Variants in SPAG17 observed in about 807,000 individuals in gnomAD.
SPAG17 encodes sperm-associated antigen 17.
SPAG17 carries 169 observed loss-of-function variants against 273.6 expected under a neutral mutation model. That is an observed-to-expected ratio of 0.62 (90% CI 0.55 to 0.70). The LOEUF is 0.70. Ranked by LOEUF, SPAG17 falls within the 30% of genes least tolerant of loss-of-function variation. The probability of loss-of-function intolerance (pLI) is 0.00; values close to 1 mark genes in which losing one functional copy is unlikely to be tolerated. For missense variants in SPAG17, 2,557 were observed against 2,627.8 expected (o/e 0.97, Z 0.59); for synonymous variants, 825 against 873.2 (o/e 0.94, Z 0.97).
At chr1:118,080,319 C>G (rs1037139983) in intron 15 of SPAG17, among the ~76,000 whole-genome samples, 4 of 152,062 alleles carry the variant, frequency 2.6e-5, no homozygotes, top group Non-Finnish European at 5.9e-5. Flanking sequence ...AAAAAGAGAA[C>G]TCAGGGTGGA....
At chr1:118,127,134 T>A (rs1657780216) in intron 3 of SPAG17, among the ~76,000 whole-genome samples, 1 of 152,236 alleles carries the variant, frequency 6.6e-6, no homozygotes, top group African/African-American at 2.4e-5. Context: ...TCCACTTTGT[T>A]CTTTTTGCTT....
At chr1:118,070,729 A>G (rs1007780052) in intron 17 of SPAG17, among the ~76,000 whole-genome samples, 3 of 152,244 alleles carry the variant, frequency 2.0e-5, no homozygotes, top group Admixed American at 1.3e-4. Context: ...ATAGATAAAA[A>G]TTCTTATCAT....
chr1:118,026,123 A>AG (rs1397884461), intron 26 of SPAG17, among the ~76,000 whole-genome samples: 1 of 152,068 alleles, frequency 6.6e-6, no homozygotes, highest in African/African-American at 2.4e-5. Context: ...CCATAGCCCC[A>AG]GGGGAAGTCA....
In SPAG17 at chr1:118,150,697, C is replaced by T. The variant is rs6697551; in HGVS notation, c.229-68G>A. ...TTGAAGAATACTTAGATATATGTAA[C>T]TTTCAAATATCTAGGTGATCTGAAG... On this transcript the variant is annotated intron_variant, in intron 2 of 48. Transcript: ENST00000336338. 1,435 of 875,574 alleles carry T rather than the reference C, an allele frequency of 1.6e-3. 13 individuals carry two copies. In the African/African-American group the frequency reaches 0.023, roughly 14 times the overall value. The allele number at this position is 875,574 out of a possible 1,614,324, so 54.2% of individuals were successfully genotyped here. A position where few individuals can be genotyped will look rare whatever the true frequency, so the allele number is the denominator to read the frequency against.
chr1:118,120,788 C>T (rs1340605706), intron 3 of SPAG17, among the ~76,000 whole-genome samples: 1 of 152,164 alleles, frequency 6.6e-6, no homozygotes, highest in Non-Finnish European at 1.5e-5. Flanking sequence ...CTTCTAGCTA[C>T]CAGATACCTT....
chr1:118,082,074 G>C (rs1654624864), intron 13 of SPAG17, among the ~76,000 whole-genome samples: 1 of 152,130 alleles, frequency 6.6e-6, no homozygotes, highest in South Asian at 2.1e-4. Flanking sequence ...TTTTTCTATT[G>C]ATTTGGGCTC....
chr1:118,165,896 G>T (rs1425884113), intron 1 of SPAG17, among the ~76,000 whole-genome samples: 4 of 152,030 alleles, frequency 2.6e-5, no homozygotes, highest in Non-Finnish European at 5.9e-5. Context: ...ACCCGCCTCG[G>T]CCTCCCAAAG....
intron 3 of SPAG17, among the ~76,000 whole-genome samples, chr1:118,125,738 T>C (rs975316380): frequency 6.6e-6 from 1 of 152,242 alleles, no homozygotes; most frequent in South Asian, 2.1e-4. Flanking sequence ...CTATTCCATT[T>C]TGTATAAATA....
intron 42 of SPAG17, among the ~76,000 whole-genome samples, chr1:117,982,841 TTA>T (rs1013368413): frequency 3.5e-4 from 53 of 152,184 alleles, no homozygotes; most frequent in African/African-American, 1.1e-3. Context: ...CTGTTTTAGT[TTA>T]GAACAATCAT....
chr1:118,124,991 G>C (rs1280450426), intron 3 of SPAG17, among the ~76,000 whole-genome samples: 2 of 152,100 alleles, frequency 1.3e-5, no homozygotes, highest in Non-Finnish European at 1.5e-5. Context: ...CATCTTAGCT[G>C]CAAGAGCCTG....
chr1:118,165,308 G>A (rs767541501), intron 1 of SPAG17, among the ~76,000 whole-genome samples: 3 of 152,066 alleles, frequency 2.0e-5, no homozygotes, highest in Admixed American at 6.5e-5. Flanking sequence ...GGCGCCAGAA[G>A]TCCCACTTGG....
intron 31 of SPAG17, among the ~76,000 whole-genome samples, chr1:118,005,981 C>G (rs1284834442): frequency 1.3e-5 from 2 of 152,116 alleles, no homozygotes; most frequent in African/African-American, 4.8e-5. Context: ...AGAAGCATCT[C>G]TGAAAGGGTA....
Position 118,115,326 on chromosome 1 carries a change from C to T in SPAG17, c.431G>A (p.Arg144Gln), listed in dbSNP as rs377305034. The T allele has an allele frequency of 1.1e-5, 17 of 1,613,368 alleles. No homozygotes were observed. In the East Asian group the frequency reaches 1.1e-4, roughly 11 times the overall value. ...GTACAGTACCTTCTTTTCATTTTCC[C>T]GTCGCTGTTGGTCCTTAAATTTAAT... Reference protein sequence around the residue: ...LQIKFKDQQRRENEKKVIEDK... With the variant: ...LQIKFKDQQRQENEKKVIEDK... Residue 144 changes from arginine to glutamine, a missense_variant, in exon 4 of 49, where the codon CGG (arginine) becomes CAG (glutamine). Arg to Gln is a conservative substitution (Grantham distance 43, BLOSUM62 1). Coordinates refer to ENST00000336338, the MANE Select transcript of SPAG17 (RefSeq NM_206996.4).
At chr1:117,997,786 C>T (rs764103724) in intron 32 of SPAG17, among the ~76,000 whole-genome samples, 1 of 152,022 alleles carries the variant, frequency 6.6e-6, no homozygotes, top group Non-Finnish European at 1.5e-5. Flanking sequence ...CTTTATAAAA[C>T]GACATTGAAA....
intron 42 of SPAG17, among the ~76,000 whole-genome samples, 185 bp from the exon 43 acceptor site, chr1:117,981,586 TATA>T (rs1244517817): frequency 3.3e-5 from 5 of 152,206 alleles, no homozygotes; most frequent in Admixed American, 6.5e-5. Context: ...TAAAATATGA[TATA>T]ATGTTTGCCA....
chr1:118,046,137 G>A (rs1232382831), intron 20 of SPAG17, among the ~76,000 whole-genome samples: 1 of 152,020 alleles, frequency 6.6e-6, no homozygotes, highest in Non-Finnish European at 1.5e-5. Flanking sequence ...AGGGGTTCAA[G>A]ACCAGCCTGG....
intron 1 of SPAG17, among the ~76,000 whole-genome samples, chr1:118,165,290 G>A (rs6684872): frequency 4.6e-5 from 7 of 152,090 alleles, no homozygotes; most frequent in African/African-American, 1.7e-4. Flanking sequence ...CGAAACTTCT[G>A]GTGCAAGGGC....
intron 4 of SPAG17, among the ~76,000 whole-genome samples, chr1:118,103,425 A>G (rs890370208): frequency 6.6e-6 from 1 of 152,164 alleles, no homozygotes; most frequent in Non-Finnish European, 1.5e-5. Context: ...TATGAGCTTC[A>G]GTTTCTGTCC....
intron 1 of SPAG17, among the ~76,000 whole-genome samples, chr1:118,164,727 G>GC (rs1660081545): frequency 6.6e-6 from 1 of 152,170 alleles, no homozygotes; most frequent in Admixed American, 6.5e-5. Flanking sequence ...GGAATTCAAA[G>GC]CCCTTTACAT....
Sources: allele counts gnomAD v4.1 joint callset (sites outside exome capture counted in the v4.1 genomes callset), GRCh38; gene constraint gnomAD v4.1.1; transcripts MANE v1.5; gene names NCBI Gene and HGNC (gene_info 2026-07-23, HGNC 2026-07-21).